The following SF3A3 variants were observed in gnomAD, a reference collection of about 807,000 sequenced individuals.
SF3A3 encodes the protein SAP 61.
Under a neutral mutation model 85.8 loss-of-function variants are expected in SF3A3, and 9 were observed. The ratio of observed to expected loss-of-function variants is 0.10; its 90% CI spans 0.06 to 0.18. SF3A3 has a LOEUF of 0.18. Ranked by LOEUF, SF3A3 falls within the 10% of genes least tolerant of loss-of-function variation. SF3A3 has a pLI of 1.00. For missense variants in SF3A3, 306 were observed against 593.3 expected (o/e 0.52, Z 5.03); for synonymous variants, 195 against 204.4 (o/e 0.95, Z 0.39).
At chr1:37,969,082 G>C (rs1646321383) in intron 14 of SF3A3, among the ~76,000 whole-genome samples, 1 of 152,110 alleles carries the variant, frequency 6.6e-6, no homozygotes, top group African/African-American at 2.4e-5. Context: ...CTAGCAGAAA[G>C]ACAAAAACAG....
Position 37,958,082 on chromosome 1 carries a change from C to A in SF3A3, c.*104G>T. The A allele has an allele frequency of 1.3e-6, 1 of 776,800 alleles. No homozygotes were observed. Among genetic ancestry groups the A allele is most frequent in the Non-Finnish European group, 2.3e-6 (1 of 433,206 alleles). 48.1% of individuals were successfully genotyped at this position (776,800 alleles called of 1,614,324 possible). On this transcript the variant is annotated 3_prime_UTR_variant, in exon 17 of 17. Coordinates refer to ENST00000373019, the MANE Select transcript of SF3A3 (RefSeq NM_006802.4). ...ACAAGATGCATGCTAGACCATGAGA[C>A]TACATAGCAAAGGGTCTTTAAGAGG...
chr1:37,966,497 G>A (rs1170805033), intron 15 of SF3A3, among the ~76,000 whole-genome samples: 1 of 152,096 alleles, frequency 6.6e-6, no homozygotes, highest in Non-Finnish European at 1.5e-5. Flanking sequence ...AATCAATTCA[G>A]AAAACTATCC....
At chr1:37,959,080 CTT>C (rs369121020) in intron 16 of SF3A3, among the ~76,000 whole-genome samples, 4 of 143,278 alleles carry the variant, frequency 2.8e-5, no homozygotes, top group African/African-American at 2.5e-5. Context: ...ACTTTTTTTT[CTT>C]TTTTTTTTTT....
intron 12 of SF3A3, among the ~76,000 whole-genome samples, chr1:37,971,834 C>A (rs1241073065): frequency 1.3e-5 from 2 of 152,152 alleles, no homozygotes; most frequent in African/African-American, 2.4e-5. Context: ...TCTCAATAAA[C>A]TAGGTATTAA....
At chr1:37,966,932 T>C (rs1646304603) in intron 15 of SF3A3, among the ~76,000 whole-genome samples, 2 of 11,964 alleles carry the variant, frequency 1.7e-4, no homozygotes, top group Non-Finnish European at 2.5e-4. Context: ...CGAAACTCCA[T>C]CTCAAAAAAA....
intron 9 of SF3A3, 26 bp from the exon 10 acceptor site, chr1:37,979,081 A>G (rs766355392): frequency 3.1e-6 from 5 of 1,588,908 alleles, no homozygotes; most frequent in East Asian, 2.2e-5. Flanking sequence ...AAAAATTACA[A>G]TATTACATTA....
chr1:37,962,285 C>CAAA (rs10559284), intron 15 of SF3A3, among the ~76,000 whole-genome samples: 2 of 26,538 alleles, frequency 7.5e-5, no homozygotes, highest in Non-Finnish European at 1.3e-4. Context: ...GCGAGACTGT[C>CAAA]AAAAAAAAAA....
chr1:37,989,762 G>T, intron 1 of SF3A3, 108 bp downstream of exon 1: 1 of 1,219,968 alleles, frequency 8.2e-7, no homozygotes, highest in East Asian at 2.3e-5. Context: ...CGGAGAGGGA[G>T]CCCGGAGGAA....
intron 12 of SF3A3, among the ~76,000 whole-genome samples, chr1:37,974,694 T>C (rs1431849157): frequency 6.6e-6 from 1 of 152,188 alleles, no homozygotes; most frequent in Non-Finnish European, 1.5e-5. Context: ...AAAACCCAAA[T>C]CTGTAGTGGC....
intron 15 of SF3A3, among the ~76,000 whole-genome samples, chr1:37,966,935 C>CA (rs11394683): frequency 0.28 from 3,890 of 14,104 alleles, 878 homozygotes; most frequent in East Asian, 0.68. Flanking sequence ...AACTCCATCT[C>CA]AAAAAAAAAA....
At chr1:37,959,630 G>A (rs1388520571) in intron 16 of SF3A3, among the ~76,000 whole-genome samples, 1 of 152,034 alleles carries the variant, frequency 6.6e-6, no homozygotes, top group Non-Finnish European at 1.5e-5. Flanking sequence ...CCAGGCTGGA[G>A]TGCAGTGGCA....
At chr1:37,975,113 A>G (rs1406482531) in intron 12 of SF3A3, among the ~76,000 whole-genome samples, 2 of 152,254 alleles carry the variant, frequency 1.3e-5, no homozygotes, top group Non-Finnish European at 2.9e-5. Context: ...AACAAATGGT[A>G]TAATAATGGC....
intron 15 of SF3A3, chr1:37,960,591 G>A (rs1433133192): frequency 5.8e-6 from 1 of 170,954 alleles, no homozygotes; most frequent in African/African-American, 2.4e-5. Flanking sequence ...TGTAGCTTCA[G>A]AAGGAGTGAT....
chr1:37,965,573 G>A (rs1191790058), intron 15 of SF3A3, among the ~76,000 whole-genome samples: 2 of 151,706 alleles, frequency 1.3e-5, no homozygotes, highest in East Asian at 3.9e-4. Flanking sequence ...GGGCAACATG[G>A]TGACACACCA....
At chr1:37,978,092 C>T (rs1400362813) in intron 11 of SF3A3, among the ~76,000 whole-genome samples, 1 of 151,876 alleles carries the variant, frequency 6.6e-6, no homozygotes, top group Non-Finnish European at 1.5e-5. Context: ...AATCGCAGCA[C>T]TTTGGGAGGC....
intron 15 of SF3A3, among the ~76,000 whole-genome samples, chr1:37,960,927 A>G (rs1159440746): frequency 1.3e-5 from 2 of 152,014 alleles, no homozygotes; most frequent in African/African-American, 4.8e-5. Context: ...TGCTGGGATT[A>G]CAGGCATGAG....
At chr1:37,971,742 C>T (rs1163653857) in intron 12 of SF3A3, among the ~76,000 whole-genome samples, 8 of 152,072 alleles carry the variant, frequency 5.3e-5, no homozygotes, top group Admixed American at 5.2e-4. Context: ...ATAAACAGAA[C>T]CAAAGACAAA....
At chr1:37,966,353 A>G (rs576205940) in intron 15 of SF3A3, among the ~76,000 whole-genome samples, 1 of 152,336 alleles carries the variant, frequency 6.6e-6, no homozygotes, top group African/African-American at 2.4e-5. Context: ...CTTCAGCAGC[A>G]CATTCCCTGA....
chr1:37,982,990 A>G (rs900585627), intron 6 of SF3A3, among the ~76,000 whole-genome samples: 5 of 151,740 alleles, frequency 3.3e-5, no homozygotes, highest in Non-Finnish European at 5.9e-5. Flanking sequence ...GCTGGAGTGC[A>G]ATGAATGACA....
Sources: allele counts gnomAD v4.1 joint callset (sites outside exome capture counted in the v4.1 genomes callset), GRCh38; gene constraint gnomAD v4.1.1; transcripts MANE v1.5; gene names NCBI Gene and HGNC (gene_info 2026-07-23, HGNC 2026-07-21).